Variants in CNTN5 observed in about 807,000 individuals in gnomAD.
The protein encoded by CNTN5 is contactin 5.
CNTN5 carries 77 observed loss-of-function variants against 129.1 expected under a neutral mutation model. The ratio of observed to expected loss-of-function variants is 0.60; its 90% CI spans 0.50 to 0.72. The LOEUF is 0.72. CNTN5 is among the 30% of genes least tolerant of loss of function. The pLI is 0.00. For missense variants in CNTN5, 1,478 were observed against 1,328.8 expected, an observed-to-expected ratio of 1.11 and a Z score of -1.75; for synonymous variants, 509 against 465.6, an observed-to-expected ratio of 1.09 and a Z score of -1.20.
intron 1 of CNTN5, among the ~76,000 whole-genome samples, chr11:99,142,317 G>GTGAAC (rs141369933): frequency 5.5e-4 from 1 of 1,802 alleles, no homozygotes; most frequent in Non-Finnish European, 8.8e-4. Flanking sequence ...TGGTGGCGAG[G>GTGAAC]TCTGTGTGTG....
intron 3 of CNTN5, among the ~76,000 whole-genome samples, chr11:99,735,840 C>A (rs985938206): frequency 6.6e-6 from 1 of 152,086 alleles, no homozygotes; most frequent in Non-Finnish European, 1.5e-5. Context: ...GTATACAATA[C>A]GGTATTGTTA....
intron 9 of CNTN5, among the ~76,000 whole-genome samples, chr11:100,031,522 T>G (rs1028306180): frequency 1.3e-5 from 2 of 152,202 alleles, no homozygotes; most frequent in Non-Finnish European, 2.9e-5. Flanking sequence ...TGCCCTCATC[T>G]TGCCACAGCT....
intron 4 of CNTN5, among the ~76,000 whole-genome samples, chr11:99,826,641 A>G (rs530215673): frequency 6.6e-6 from 1 of 152,226 alleles, no homozygotes; most frequent in Admixed American, 6.5e-5. Context: ...CATGTGTTCA[A>G]TGGCAAAGGG....
chr11:99,358,545 G>T (rs1167208055), intron 2 of CNTN5, among the ~76,000 whole-genome samples: 1 of 151,332 alleles, frequency 6.6e-6, no homozygotes, highest in Non-Finnish European at 1.5e-5. Flanking sequence ...TGGCGACAGA[G>T]CAAGACTCCA....
At chr11:99,555,588 T>A (rs1436030838) in intron 2 of CNTN5, among the ~76,000 whole-genome samples, 1 of 151,900 alleles carries the variant, frequency 6.6e-6, no homozygotes, top group Non-Finnish European at 1.5e-5. Context: ...AAAGAAATAA[T>A]TCACCAAAGG....
intron 1 of CNTN5, among the ~76,000 whole-genome samples, chr11:99,023,991 A>G (rs1044506264): frequency 6.6e-6 from 1 of 152,164 alleles, no homozygotes; most frequent in Non-Finnish European, 1.5e-5. Flanking sequence ...AACATGTTAC[A>G]TGAACTTCTT....
At chr11:99,846,123 G>GAC (rs1285527959) in intron 6 of CNTN5, among the ~76,000 whole-genome samples, 1 of 76,990 alleles carries the variant, frequency 1.3e-5, no homozygotes, top group African/African-American at 5.6e-5. Context: ...TGGCTATACG[G>GAC]ACATAGACAC....
chr11:99,654,719 A>G (rs919953013), intron 3 of CNTN5, among the ~76,000 whole-genome samples: 6 of 152,104 alleles, frequency 3.9e-5, no homozygotes, highest in African/African-American at 1.2e-4. Flanking sequence ...TGCATTTTCT[A>G]TAATGCTCGT....
At chr11:100,104,924 A>G (rs66605840) in intron 13 of CNTN5, among the ~76,000 whole-genome samples, 2 of 152,188 alleles carry the variant, frequency 1.3e-5, no homozygotes, top group African/African-American at 4.8e-5. Flanking sequence ...TAGAATCTTC[A>G]TGTTATATTC....
At chr11:99,825,728 TG>T (rs1371962074) in intron 4 of CNTN5, among the ~76,000 whole-genome samples, 2 of 152,146 alleles carry the variant, frequency 1.3e-5, no homozygotes, top group African/African-American at 4.8e-5. Context: ...TGGCCTCTTT[TG>T]TAGCGGGCAA....
At chr11:99,666,679 G>A (rs1183076328) in intron 3 of CNTN5, among the ~76,000 whole-genome samples, 1 of 152,152 alleles carries the variant, frequency 6.6e-6, no homozygotes, top group Admixed American at 6.6e-5. Flanking sequence ...TGTGTCATCA[G>A]AAGAATTACA....
intron 3 of CNTN5, among the ~76,000 whole-genome samples, chr11:99,719,067 C>T (rs1049055489): frequency 3.3e-5 from 5 of 152,058 alleles, no homozygotes; most frequent in Non-Finnish European, 7.4e-5. Flanking sequence ...GCCTGTAATT[C>T]CAGCACTTTG....
At chr11:99,899,436 GA>G (rs1320175373) in intron 6 of CNTN5, among the ~76,000 whole-genome samples, 3 of 152,106 alleles carry the variant, frequency 2.0e-5, no homozygotes, top group Admixed American at 6.5e-5. Flanking sequence ...ATTATGAAGA[GA>G]TGTTGGATTT....
intron 1 of CNTN5, among the ~76,000 whole-genome samples, chr11:99,137,312 T>C (rs544898291): frequency 8.1e-4 from 124 of 152,294 alleles, no homozygotes; most frequent in African/African-American, 3.0e-3. Flanking sequence ...TCTGAAGCAG[T>C]TGCAAAGGGT....
At chr11:100,070,582 C>G in intron 11 of CNTN5, 22 bp downstream of exon 11, 1 of 1,610,840 alleles carries the variant, frequency 6.2e-7, no homozygotes, top group Non-Finnish European at 8.5e-7. Context: ...AGTTATTAAC[C>G]TGTTCTGCTG....
intron 3 of CNTN5, among the ~76,000 whole-genome samples, chr11:99,795,170 G>A (rs904051590): frequency 2.0e-5 from 3 of 151,994 alleles, no homozygotes; most frequent in African/African-American, 7.3e-5. Flanking sequence ...TGTTAGAGTT[G>A]GTTTTTGAGC....
intron 7 of CNTN5, among the ~76,000 whole-genome samples, chr11:99,927,482 TCA>T (rs748028289): frequency 4.6e-5 from 7 of 152,156 alleles, no homozygotes; most frequent in Non-Finnish European, 8.8e-5. Flanking sequence ...TTTAATTGAC[TCA>T]CAGTTCTGCA....
intron 6 of CNTN5, among the ~76,000 whole-genome samples, chr11:99,906,351 G>A (rs1199681109): frequency 2.0e-5 from 3 of 152,080 alleles, no homozygotes; most frequent in African/African-American, 7.2e-5. Context: ...ATGAAGGGGT[G>A]GGGTGTTGAA....
At chr11:99,489,042 TA>T (rs55747043) in intron 2 of CNTN5, among the ~76,000 whole-genome samples, 30,497 of 149,974 alleles carry the variant, frequency 0.2, 3,393 homozygotes, top group Middle Eastern at 0.33. Context: ...TTGCCAAGGA[TA>T]AAAAAAAAAT....
Sources: allele counts gnomAD v4.1 joint callset (sites outside exome capture counted in the v4.1 genomes callset), GRCh38; gene constraint gnomAD v4.1.1; transcripts MANE v1.5; gene names NCBI Gene and HGNC (gene_info 2026-07-23, HGNC 2026-07-21).